Variants in ADAMTS2 observed in about 807,000 individuals in gnomAD.
ADAMTS2 encodes the protein ADAM metallopeptidase with thrombospondin type 1 motif 2.
Under a neutral mutation model 123.0 loss-of-function variants are expected in ADAMTS2, and 50 were observed. That is an observed-to-expected ratio of 0.41 (90% CI 0.32 to 0.51). ADAMTS2 has a LOEUF of 0.51. ADAMTS2 is among the 20% of genes least tolerant of loss of function. ADAMTS2 has a pLI of 0.35. For synonymous variants in ADAMTS2, 678 were observed against 695.4 expected (o/e 0.98, Z 0.39); for missense variants, 1,494 against 1,705.2 (o/e 0.88, Z 2.18).
intron 3 of ADAMTS2, among the ~76,000 whole-genome samples, chr5:179,269,297 G>A (rs963503116): frequency 2.0e-5 from 3 of 152,164 alleles, no homozygotes; most frequent in Non-Finnish European, 4.4e-5. Context: ...TGTGAGAGAG[G>A]CATTTGTATT....
intron 2 of ADAMTS2, among the ~76,000 whole-genome samples, chr5:179,337,951 A>T (rs540215453): frequency 7.2e-5 from 11 of 151,800 alleles, no homozygotes; most frequent in African/African-American, 2.2e-4. Context: ...TTCACCTCCC[A>T]GCTGACTCTG....
rs564110108 is a variant in ADAMTS2 at position 179,122,927 on chromosome 5, C to T, written c.2959-154G>A. The T allele has an allele frequency of 7.4e-5, 86 of 1,160,902 alleles. No individual in the cohort carries two copies. In the African/African-American group the frequency reaches 1.2e-3, roughly 16 times the overall value. The allele number at this position is 1,160,902 out of a possible 1,614,324, so 71.9% of individuals were successfully genotyped here. On this transcript the variant is annotated intron_variant, in intron 19 of 21. Coordinates refer to ENST00000251582, the MANE Select transcript of ADAMTS2 (RefSeq NM_014244.5). ...AGTGGGGTTTCAGGTTGCCTTGCCC[C>T]ACCCTCGGGGGCAGCCCCAATCTCC... is the stretch of plus-strand genomic sequence containing the variant.
chr5:179,227,921 A>C (rs1479607019), intron 3 of ADAMTS2, among the ~76,000 whole-genome samples: 1 of 152,068 alleles, frequency 6.6e-6, no homozygotes, highest in African/African-American at 2.4e-5. Flanking sequence ...GTGGACAAAG[A>C]CTGAGAGGGG....
rs1420015340 is a variant in ADAMTS2, at chr5:179,155,162, C to T, written c.1133-243G>A. Among the ~76,000 whole-genome samples the T allele has an allele frequency of 6.6e-6, 1 of 152,230 alleles. No homozygotes were observed. The highest frequency in any genetic ancestry group is 2.4e-5 in the African/African-American group (1 of 41,458). ...AGCCCCGTGGCCGTTCTGCCTGTAACAGCCACACTGCAGCTGGGGCCCTCT... is the reference window on the plus strand; with the variant it reads ...AGCCCCGTGGCCGTTCTGCCTGTAATAGCCACACTGCAGCTGGGGCCCTCT... On this transcript the variant is annotated intron_variant, in intron 6 of 21. Coordinates refer to ENST00000251582, the MANE Select transcript of ADAMTS2 (RefSeq NM_014244.5). This position sits in a 1 kb window ranked among gnomAD's most constrained non-coding sequence, Gnocchi z 5.1.
chr5:179,122,821 C>G, intron 19 of ADAMTS2, 48 bp from the exon 20 acceptor site: 2 of 1,550,086 alleles, frequency 1.3e-6, no homozygotes, highest in South Asian at 1.2e-5. Flanking sequence ...ACACAGGGCC[C>G]GCACTGGCAG....
chr5:179,288,066 G>C (rs1756077745), intron 2 of ADAMTS2, among the ~76,000 whole-genome samples: 1 of 152,220 alleles, frequency 6.6e-6, no homozygotes, highest in African/African-American at 2.4e-5. Flanking sequence ...CCCAGATCAG[G>C]CAGTTTTCCC....
rs1159875690 is a variant in ADAMTS2, at chr5:179,130,611, C to G, written c.2291-513G>C. 1.3e-5 allele frequency among the ~76,000 whole-genome samples: 2 copies of G among 152,208 alleles called. No individual in the cohort carries two copies. The highest frequency in any genetic ancestry group is 6.5e-5 in the Admixed American group (1 of 15,282). ...CAGCCGAGGCCCCAGCAGCTCCCCA[C>G]AGCCCCAGAAGAGGCCTGGCCTGAT... On this transcript the variant is annotated intron_variant, in intron 15 of 21. Coordinates refer to ENST00000251582, the MANE Select transcript of ADAMTS2 (RefSeq NM_014244.5). The surrounding 1 kb of genome is among the most constrained non-coding windows in gnomAD (Gnocchi z 4.3).
At chr5:179,215,108 G>C (rs550709842) in intron 3 of ADAMTS2, among the ~76,000 whole-genome samples, 2 of 152,296 alleles carry the variant, frequency 1.3e-5, no homozygotes, top group South Asian at 4.1e-4. Context: ...TGAAAACGTA[G>C]TTGTGTCAAT....
intron 4 of ADAMTS2, among the ~76,000 whole-genome samples, chr5:179,195,370 C>A (rs995976397): frequency 6.6e-6 from 1 of 152,256 alleles, no homozygotes; most frequent in African/African-American, 2.4e-5. Context: ...TCCTTCTAGG[C>A]TGGAAAGAAC....
chr5:179,232,484 A>G (rs1051831643), intron 3 of ADAMTS2, among the ~76,000 whole-genome samples: 1 of 152,236 alleles, frequency 6.6e-6, no homozygotes, highest in African/African-American at 2.4e-5. Context: ...TGTCAGAACC[A>G]GGATATGAAC....
At chr5:179,329,107 C>A (rs1268329596) in intron 2 of ADAMTS2, among the ~76,000 whole-genome samples, 1 of 152,122 alleles carries the variant, frequency 6.6e-6, no homozygotes, top group Non-Finnish European at 1.5e-5. Context: ...GAGGGCGGAT[C>A]ACGAGGTCAG....
Position 179,262,476 on chromosome 5 carries a change from T to C in ADAMTS2, c.688+10435A>G, listed in dbSNP as rs1766257385. The stretch of plus-strand genomic sequence containing the variant: ...TCTCACCCCGTACCGTGACCGTCCC[T>C]TCAAAGCGATGAGTGCCACCCATCC... On this transcript the variant is annotated intron_variant, in intron 3 of 21. Transcript: ENST00000251582. This position sits in a 1 kb window ranked among gnomAD's most constrained non-coding sequence, Gnocchi z 5.9. Among the ~76,000 whole-genome samples, 1 of 151,264 alleles carries C rather than the reference T, an allele frequency of 6.6e-6. No individual in the cohort carries two copies. The highest frequency in any genetic ancestry group is 1.5e-5 in the Non-Finnish European group (1 of 67,812).
At chr5:179,213,291 C>A (rs1396264000) in intron 3 of ADAMTS2, among the ~76,000 whole-genome samples, 1 of 152,236 alleles carries the variant, frequency 6.6e-6, no homozygotes, top group African/African-American at 2.4e-5. Flanking sequence ...TTTCTCCCGA[C>A]AGCACCCCGT....
At chr5:179,203,418 C>A (rs1294062214) in intron 4 of ADAMTS2, among the ~76,000 whole-genome samples, 1 of 152,256 alleles carries the variant, frequency 6.6e-6, no homozygotes, top group Non-Finnish European at 1.5e-5. Flanking sequence ...TCTGTCCTTC[C>A]ATGCTTTTGC....
At chr5:179,306,174 A>G (rs1223506288) in intron 2 of ADAMTS2, among the ~76,000 whole-genome samples, 1 of 152,100 alleles carries the variant, frequency 6.6e-6, no homozygotes, top group Non-Finnish European at 1.5e-5. Context: ...TCATGAACCT[A>G]TAAACCAATA....
chr5:179,291,088 C>T (rs1756173961), intron 2 of ADAMTS2, among the ~76,000 whole-genome samples: 1 of 152,220 alleles, frequency 6.6e-6, no homozygotes, highest in Non-Finnish European at 1.5e-5. Flanking sequence ...CCTCACTGGC[C>T]AGGAGGGGAC....
chr5:179,116,308 C>G (rs554377602), intron 21 of ADAMTS2, among the ~76,000 whole-genome samples: 1 of 146,412 alleles, frequency 6.8e-6, no homozygotes, highest in Non-Finnish European at 1.5e-5. Flanking sequence ...TGTCCCTTTC[C>G]CCTTTCCAAC....
intron 3 of ADAMTS2, among the ~76,000 whole-genome samples, chr5:179,219,934 C>T (rs1581199539): frequency 1.3e-5 from 2 of 152,326 alleles, no homozygotes; most frequent in African/African-American, 2.4e-5. Context: ...CAAGGATTCA[C>T]GGGGGTCTCG....
intron 4 of ADAMTS2, among the ~76,000 whole-genome samples, chr5:179,200,175 A>G (rs1764528359): frequency 6.6e-6 from 1 of 151,952 alleles, no homozygotes; most frequent in African/African-American, 2.4e-5. Context: ...TTGAGGGGAA[A>G]TAAGAATGCA....
Sources: allele counts gnomAD v4.1 joint callset (sites outside exome capture counted in the v4.1 genomes callset), GRCh38; gene constraint gnomAD v4.1.1; non-coding constraint Gnocchi (gnomAD v3.1); transcripts MANE v1.5; gene names NCBI Gene and HGNC (gene_info 2026-07-23, HGNC 2026-07-21).